UBXN2B: variants seen among roughly 807,000 people sequenced by gnomAD.
UBXN2B encodes UBX domain-containing protein 2B.
In UBXN2B, 19 loss-of-function variants were observed where a neutral mutation model predicts 37.5. The observed-to-expected ratio is 0.51, with a 90% confidence interval of 0.35 to 0.74. The LOEUF is 0.74. UBXN2B is among the 30% of genes least tolerant of loss of function. UBXN2B has a pLI of 0.01. For missense variants in UBXN2B, 370 were observed against 393.2 expected (o/e 0.94, Z 0.50); for synonymous variants, 145 against 143.8 (o/e 1.01, Z -0.06).
intron 2 of UBXN2B, among the ~76,000 whole-genome samples, chr8:58,424,355 A>T (rs1336755308): frequency 6.6e-6 from 1 of 152,202 alleles, no homozygotes; most frequent in Admixed American, 6.5e-5. Context: ...CATAGTAGAG[A>T]TGATTTCTTC....
chr8:58,447,836 A>G lies in UBXN2B; in HGVS notation c.*285A>G. On this transcript the variant is annotated 3_prime_UTR_variant, in exon 8 of 8. Coordinates refer to ENST00000399598, the MANE Select transcript of UBXN2B (RefSeq NM_001077619.2). Reference sequence around the variant, plus strand: ...ACATGCTTAGTGTTAATGTAACAACATTTGTTTGCAGAGAAAAATGAACAA... The same window carrying G: ...ACATGCTTAGTGTTAATGTAACAACGTTTGTTTGCAGAGAAAAATGAACAA... 4.3e-6 allele frequency: 1 copy of G among 230,520 alleles called. No individual in the cohort carries two copies. Among genetic ancestry groups the G allele is most frequent in the South Asian group, 1.7e-4 (1 of 5,782 alleles). The allele number at this position is 230,520 out of a possible 1,614,324, so 14.3% of individuals were successfully genotyped here.
chr8:58,424,399 ATTG>A (rs980475271), intron 2 of UBXN2B, among the ~76,000 whole-genome samples: 74 of 152,298 alleles, frequency 4.9e-4, no homozygotes, highest in African/African-American at 1.7e-3. Flanking sequence ...GGAAGCAGGT[ATTG>A]TTGAGTTAAA....
intron 1 of UBXN2B, among the ~76,000 whole-genome samples, chr8:58,416,144 T>G (rs1355668465): frequency 6.6e-6 from 1 of 151,572 alleles, no homozygotes; most frequent in East Asian, 1.9e-4. Flanking sequence ...AGTTGTTGAG[T>G]TGTTGTCCAA....
intron 6 of UBXN2B, among the ~76,000 whole-genome samples, 156 bp from the exon 7 acceptor site, chr8:58,445,751 T>A (rs1808650816): frequency 6.6e-6 from 1 of 152,112 alleles, no homozygotes; most frequent in African/African-American, 2.4e-5. Context: ...ATAAACCAAA[T>A]AAGAATCGTA....
At chr8:58,429,697 C>T (rs1808197342) in intron 2 of UBXN2B, among the ~76,000 whole-genome samples, 2 of 152,174 alleles carry the variant, frequency 1.3e-5, no homozygotes, top group Non-Finnish European at 2.9e-5. Flanking sequence ...TATCATTTCC[C>T]CCCATTGTTT....
intron 7 of UBXN2B, among the ~76,000 whole-genome samples, chr8:58,446,281 C>T (rs771689922): frequency 6.6e-6 from 1 of 152,014 alleles, no homozygotes; most frequent in African/African-American, 2.4e-5. Context: ...TATAAACTAT[C>T]CAAATACTAA....
At chr8:58,445,109 T>G (rs1808637618) in intron 6 of UBXN2B, among the ~76,000 whole-genome samples, 1 of 152,134 alleles carries the variant, frequency 6.6e-6, no homozygotes, top group African/African-American at 2.4e-5. Flanking sequence ...TGAGCTAAAT[T>G]TATTTGAATT....
chr8:58,418,241 C>CAAAAA (rs56073006), intron 2 of UBXN2B, among the ~76,000 whole-genome samples: 1 of 109,128 alleles, frequency 9.2e-6, no homozygotes, highest in Admixed American at 8.6e-5. Context: ...ACTCTGTCTC[C>CAAAAA]AAAAAAAAAA....
chr8:58,415,026 T>C (rs777239855), intron 1 of UBXN2B, among the ~76,000 whole-genome samples: 2 of 152,158 alleles, frequency 1.3e-5, no homozygotes, highest in Non-Finnish European at 1.5e-5. Flanking sequence ...TTATGTTCTT[T>C]ATATAATTCA....
intron 1 of UBXN2B, among the ~76,000 whole-genome samples, chr8:58,416,373 A>T (rs773422728): frequency 6.6e-6 from 1 of 152,094 alleles, no homozygotes; most frequent in Admixed American, 6.5e-5. Context: ...CCTAAACACG[A>T]TGAAATTTAT....
intron 2 of UBXN2B, chr8:58,425,654 G>C (rs374319875): frequency 4.0e-5 from 46 of 1,141,916 alleles, no homozygotes; most frequent in African/African-American, 3.6e-4. Context: ...ACTTTATTGT[G>C]GTCTCAGCTA....
intron 5 of UBXN2B, among the ~76,000 whole-genome samples, chr8:58,437,257 A>G (rs1808434784): frequency 6.6e-6 from 1 of 151,052 alleles, no homozygotes; most frequent in Non-Finnish European, 1.5e-5. Context: ...TCCATACCCT[A>G]AGGCTTTGTG....
chr8:58,421,529 A>G (rs1435288536), intron 2 of UBXN2B, among the ~76,000 whole-genome samples: 6 of 152,224 alleles, frequency 3.9e-5, no homozygotes, highest in Admixed American at 2.0e-4. Flanking sequence ...GTAGACAAAT[A>G]CCATGTATTT....
chr8:58,434,986 A>T, intron 5 of UBXN2B: 1 of 1,533,028 alleles, frequency 6.5e-7, no homozygotes, highest in Non-Finnish European at 8.7e-7. Context: ...GTAAACTCAG[A>T]TATTCAGTGC....
Position 58,425,035 on chromosome 8 carries a change from TG to T in UBXN2B, c.189-5483del, listed in dbSNP as rs1444764359. 1.0e-5 allele frequency: 8 copies of T among 781,926 alleles called. No homozygotes were observed. The East Asian group carries it at 1.9e-4, about 19-fold the overall frequency. The allele number at this position is 781,926 out of a possible 1,614,324, so 48.4% of individuals were successfully genotyped here. ...TGGCCTTGCATGCATGATGCGTTCC[TG>T]CTTATGGTGCACCTCCTCCAGGAAG... On this transcript the variant is annotated intron_variant, in intron 2 of 7. Coordinates refer to ENST00000399598, the MANE Select transcript of UBXN2B (RefSeq NM_001077619.2).
rs773919916 is a variant in UBXN2B, at chr8:58,447,526, CTG to C, written c.975_976del (p.Leu326ThrfsTer14). The C allele has an allele frequency of 6.2e-7, 1 of 1,611,342 alleles. No homozygotes were observed. Among genetic ancestry groups the C allele is most frequent in the African/African-American group, 1.3e-5 (1 of 75,002 alleles). On this transcript the variant is annotated frameshift_variant, in exon 8 of 8. Transcript: ENST00000399598. LOFTEE classifies it high-confidence loss of function. ...CTGCTAGAAGCAGATATTCTTAACA[CTG>C]TGTTACTCCAGCAACTAAAATAATA...
chr8:58,426,010 C>T, intron 2 of UBXN2B: 1 of 1,440,092 alleles, frequency 6.9e-7, no homozygotes, highest in Non-Finnish European at 9.8e-7. Context: ...CTGCTTCTTT[C>T]CCAGAGAGGT....
chr8:58,431,470 T>G (rs1808275242), intron 3 of UBXN2B, among the ~76,000 whole-genome samples: 1 of 152,236 alleles, frequency 6.6e-6, no homozygotes, highest in East Asian at 1.9e-4. Flanking sequence ...ACCATTCATT[T>G]ATTGAGGGAT....
rs368377509 is a variant in UBXN2B, at chr8:58,441,589, C to T, written c.671+1819C>T. On this transcript the variant is annotated intron_variant, in intron 6 of 7. Coordinates refer to ENST00000399598, the MANE Select transcript of UBXN2B (RefSeq NM_001077619.2). The stretch of plus-strand genomic sequence containing the variant: ...TGGACCGCACATCCTTGTTAGTAGA[C>T]CTACAGTAAATCTAGACTTGGAATT... Among the ~76,000 whole-genome samples, 9 of 151,860 alleles carry T rather than the reference C, an allele frequency of 5.9e-5. No homozygotes were observed. In the East Asian group the frequency reaches 1.4e-3, roughly 23 times the overall value.
Sources: allele counts gnomAD v4.1 joint callset (sites outside exome capture counted in the v4.1 genomes callset), GRCh38; gene constraint gnomAD v4.1.1; transcripts MANE v1.5; gene names NCBI Gene and HGNC (gene_info 2026-07-23, HGNC 2026-07-21).